Variants in ATXN7L1 observed in about 807,000 individuals in gnomAD.
ATXN7L1 encodes the protein ataxin-7-like protein 1.
In ATXN7L1, 15 loss-of-function variants were observed where a neutral mutation model predicts 70.8. That is an observed-to-expected ratio of 0.21 (90% CI 0.14 to 0.33). The LOEUF (loss-of-function observed/expected upper bound fraction) is 0.33, where lower values mean the gene tolerates loss of function less well. Among genes scored for constraint, ATXN7L1 ranks in the 10% least tolerant of loss-of-function variants. The pLI is 1.00. For missense variants in ATXN7L1, 975 were observed against 1,097.1 expected (o/e 0.89, Z 1.57); for synonymous variants, 440 against 445.1 (o/e 0.99, Z 0.14).
intron 2 of ATXN7L1, among the ~76,000 whole-genome samples, chr7:105,864,224 G>A (rs1817046320): frequency 1.3e-5 from 2 of 152,004 alleles, no homozygotes; most frequent in African/African-American, 2.4e-5. Context: ...GAGAGGCCGA[G>A]GTGGGAGGAT....
chr7:105,691,889 G>A (rs1171447176), intron 3 of ATXN7L1, among the ~76,000 whole-genome samples: 1 of 152,162 alleles, frequency 6.6e-6, no homozygotes, highest in African/African-American at 2.4e-5. Flanking sequence ...CGGAGTTTCA[G>A]GTCCTACCAG....
intron 1 of ATXN7L1, among the ~76,000 whole-genome samples, chr7:105,876,090 A>T (rs918631184): frequency 6.6e-6 from 1 of 152,170 alleles, no homozygotes; most frequent in Non-Finnish European, 1.5e-5. Flanking sequence ...AAACTATGCA[A>T]GCAGCAACAA....
intron 4 of ATXN7L1, among the ~76,000 whole-genome samples, chr7:105,648,478 C>G (rs1258460392): frequency 1.3e-5 from 2 of 152,206 alleles, no homozygotes; most frequent in African/African-American, 2.4e-5. Context: ...AAGTCCTGAA[C>G]TGAGAAAGCA....
At chr7:105,652,067 C>T (rs938768548) in intron 4 of ATXN7L1, among the ~76,000 whole-genome samples, 4 of 152,070 alleles carry the variant, frequency 2.6e-5, no homozygotes, top group African/African-American at 9.7e-5. Flanking sequence ...CCTGACATTC[C>T]TGGGGAGTCC....
chr7:105,727,871 A>G (rs1796098123), intron 3 of ATXN7L1, among the ~76,000 whole-genome samples: 1 of 148,812 alleles, frequency 6.7e-6, no homozygotes, highest in African/African-American at 2.5e-5. Flanking sequence ...ATATATATGC[A>G]AGAAAAATGT....
At chr7:105,607,958 G>A in intron 11 of ATXN7L1, 68 bp from the exon 12 acceptor site, 2 of 1,382,884 alleles carry the variant, frequency 1.4e-6, no homozygotes, top group South Asian at 2.5e-5. Context: ...AGAATTCAAG[G>A]ATGGAGACTT....
chr7:105,708,142 G>A (rs1448529504), intron 3 of ATXN7L1, among the ~76,000 whole-genome samples: 1 of 152,174 alleles, frequency 6.6e-6, no homozygotes, highest in Non-Finnish European at 1.5e-5. Context: ...GAAGAAGGAG[G>A]AGAAAACTCC....
chr7:105,709,840 G>C (rs1793656612), intron 3 of ATXN7L1, among the ~76,000 whole-genome samples: 1 of 150,948 alleles, frequency 6.6e-6, no homozygotes, highest in Non-Finnish European at 1.5e-5. Flanking sequence ...TGATCTTCTG[G>C]TTTCCCCATA....
chr7:105,867,840 A>G (rs1466217656), intron 2 of ATXN7L1, among the ~76,000 whole-genome samples: 1 of 152,150 alleles, frequency 6.6e-6, no homozygotes, highest in Non-Finnish European at 1.5e-5. Flanking sequence ...GTACGGAGAT[A>G]TTTTTGGTTG....
intron 3 of ATXN7L1, among the ~76,000 whole-genome samples, chr7:105,727,746 G>GTATGTATATATATATATATATA (rs1796004988): frequency 3.6e-5 from 2 of 55,342 alleles, no homozygotes; most frequent in African/African-American, 2.0e-4. Context: ...GTGTATGTGT[G>GTATGTATATATATATATATATA]TATATATATA....
chr7:105,861,078 T>G, intron 2 of ATXN7L1, among the ~76,000 whole-genome samples: 1 of 148,984 alleles, frequency 6.7e-6, no homozygotes, highest in Non-Finnish European at 1.5e-5. Context: ...GGAAGGAGGA[T>G]GAGGGGCAAG....
rs1309453862 is a variant in ATXN7L1, at chr7:105,731,965, C to T, written c.355+56639G>A. Among the ~76,000 whole-genome samples the T allele has an allele frequency of 2.0e-5, 3 of 151,712 alleles. No homozygotes were observed. In the East Asian group the frequency reaches 5.9e-4, roughly 30 times the overall value. The stretch of plus-strand genomic sequence containing the variant: ...AAAATTAGCCGGGCATGGTAGCGGG[C>T]GCCTGTAATCCCAGCTTTTCGGGAG... On this transcript the variant is annotated intron_variant, in intron 3 of 11. Coordinates refer to ENST00000419735, the MANE Select transcript of ATXN7L1 (RefSeq NM_020725.2).
chr7:105,835,046 C>T (rs1337568693), intron 2 of ATXN7L1, among the ~76,000 whole-genome samples: 1 of 150,180 alleles, frequency 6.7e-6, no homozygotes, highest in Non-Finnish European at 1.5e-5. Flanking sequence ...GGTCAAGCTG[C>T]ATGAATGCTG....
At chr7:105,707,182 T>A (rs948915288) in intron 3 of ATXN7L1, among the ~76,000 whole-genome samples, 3 of 152,142 alleles carry the variant, frequency 2.0e-5, no homozygotes, top group African/African-American at 7.2e-5. Context: ...TTTTGCAGCA[T>A]CTTAGAAGAA....
intron 2 of ATXN7L1, among the ~76,000 whole-genome samples, 185 bp downstream of exon 2, chr7:105,875,627 A>ACCCCCCCCCCCCCCCCCTTTCCCC (rs3835024): frequency 1.1e-5 from 1 of 94,778 alleles, no homozygotes; most frequent in Non-Finnish European, 2.0e-5. Context: ...ACCCCCCTTT[A>ACCCCCCCCCCCCCCCCCTTTCCCC]CCCCCCCCCC....
At chr7:105,631,057 T>A (rs531192909) in intron 7 of ATXN7L1, among the ~76,000 whole-genome samples, 18 of 152,184 alleles carry the variant, frequency 1.2e-4, no homozygotes, top group African/African-American at 4.3e-4. Flanking sequence ...AGAAGGGCTG[T>A]GAAGGCGAGT....
chr7:105,856,447 A>G (rs1186937473), intron 2 of ATXN7L1, among the ~76,000 whole-genome samples: 1 of 152,056 alleles, frequency 6.6e-6, no homozygotes, highest in Admixed American at 6.6e-5. Flanking sequence ...TTAGCGGGGC[A>G]TGGTGGCAGG....
At chr7:105,668,846 G>C (rs1176609678) in intron 3 of ATXN7L1, among the ~76,000 whole-genome samples, 12 of 152,140 alleles carry the variant, frequency 7.9e-5, no homozygotes, top group Non-Finnish European at 1.3e-4. Context: ...AGAGGCTACA[G>C]CAAGTTGTGA....
At chr7:105,637,934 G>A (rs557775018) in intron 7 of ATXN7L1, among the ~76,000 whole-genome samples, 53 of 152,234 alleles carry the variant, frequency 3.5e-4, no homozygotes, top group South Asian at 2.1e-4. Context: ...ATTCACCTGG[G>A]TTTCCCTACT....
Sources: allele counts gnomAD v4.1 joint callset (sites outside exome capture counted in the v4.1 genomes callset), GRCh38; gene constraint gnomAD v4.1.1; transcripts MANE v1.5; gene names NCBI Gene and HGNC (gene_info 2026-07-23, HGNC 2026-07-21).